The following GRID1 variants were observed in gnomAD, a reference collection of about 807,000 sequenced individuals.
GRID1 encodes the protein glutamate receptor ionotropic, delta-1.
A neutral mutation model predicts 98.0 loss-of-function variants in GRID1; 28 were observed. The observed-to-expected ratio is 0.29, with a 90% CI of 0.21 to 0.39. The LOEUF (loss-of-function observed/expected upper bound fraction) is 0.39, where lower values mean the gene tolerates loss of function less well. GRID1 is among the 10% of genes least tolerant of loss of function. The pLI is 1.00. For missense variants in GRID1, 1,111 were observed against 1,340.5 expected (o/e 0.83, Z 2.67); for synonymous variants, 553 against 538.5 (o/e 1.03, Z -0.37).
At chr10:85,848,983 G>C (rs1843032780) in intron 8 of GRID1, among the ~76,000 whole-genome samples, 1 of 152,164 alleles carries the variant, frequency 6.6e-6, no homozygotes, top group Non-Finnish European at 1.5e-5. Context: ...CAGCTTAATA[G>C]AGACACTGCA....
intron 4 of GRID1, among the ~76,000 whole-genome samples, chr10:86,106,865 G>A (rs1236638108): frequency 6.6e-6 from 1 of 152,150 alleles, no homozygotes; most frequent in Non-Finnish European, 1.5e-5. Context: ...AGAGAATGGA[G>A]CTGGGGAGGT....
Position 85,779,923 on chromosome 10 carries a change from A to T in GRID1, c.1234-50309T>A, listed in dbSNP as rs375858618. ...GACCTGGTTGGCTTTGCATGCTAGC[A>T]GAGTCTGTGGGATGTTGGAAAGATG... On this transcript the variant is annotated intron_variant, in intron 8 of 15. Transcript: ENST00000327946. 1.7e-3 allele frequency among the ~76,000 whole-genome samples: 259 copies of T among 152,314 alleles called. 2 individuals carry two copies. The highest frequency in any genetic ancestry group is 6.0e-3 in the African/African-American group (248 of 41,584).
At chr10:86,053,833 T>G (rs1313188072) in intron 4 of GRID1, among the ~76,000 whole-genome samples, 1 of 152,186 alleles carries the variant, frequency 6.6e-6, no homozygotes, top group Non-Finnish European at 1.5e-5. Context: ...TACACATGCA[T>G]GGGCACACAC....
chr10:86,232,926 T>C (rs1379030377), intron 2 of GRID1, among the ~76,000 whole-genome samples: 2 of 152,182 alleles, frequency 1.3e-5, no homozygotes, highest in Non-Finnish European at 2.9e-5. Flanking sequence ...AGCAGCCACA[T>C]TTATGTGGCT....
intron 12 of GRID1, among the ~76,000 whole-genome samples, chr10:85,654,276 A>G (rs1054077279): frequency 1.3e-5 from 2 of 152,214 alleles, no homozygotes; most frequent in Non-Finnish European, 2.9e-5. Flanking sequence ...GACACCCAAA[A>G]TAAACTGCTA....
chr10:85,819,600 C>T (rs962745720), intron 8 of GRID1, among the ~76,000 whole-genome samples: 3 of 152,062 alleles, frequency 2.0e-5, no homozygotes, highest in East Asian at 1.9e-4. Context: ...AAATTCATAA[C>T]CTCCGTCTAA....
At chr10:85,874,135 A>G (rs1843305521) in intron 5 of GRID1, among the ~76,000 whole-genome samples, 1 of 152,220 alleles carries the variant, frequency 6.6e-6, no homozygotes, top group Non-Finnish European at 1.5e-5. Flanking sequence ...TCTTTAGGAT[A>G]TATATCTAGA....
chr10:85,743,977 A>G (rs923854829), intron 8 of GRID1, among the ~76,000 whole-genome samples: 1 of 152,198 alleles, frequency 6.6e-6, no homozygotes, highest in Non-Finnish European at 1.5e-5. Context: ...GATAGAAGCC[A>G]AGATTTGTTG....
At chr10:86,308,843 C>A (rs990303077) in intron 2 of GRID1, among the ~76,000 whole-genome samples, 1 of 152,130 alleles carries the variant, frequency 6.6e-6, no homozygotes, top group Non-Finnish European at 1.5e-5. Flanking sequence ...ACTTCGGTAA[C>A]AACTCACTCT....
At chr10:85,945,671 G>A (rs929168744) in intron 4 of GRID1, among the ~76,000 whole-genome samples, 8 of 152,088 alleles carry the variant, frequency 5.3e-5, no homozygotes, top group African/African-American at 1.9e-4. Context: ...CCTACACATG[G>A]GCTAGAAAAT....
At chr10:86,316,558 G>A (rs753861003) in intron 2 of GRID1, among the ~76,000 whole-genome samples, 18 of 152,368 alleles carry the variant, frequency 1.2e-4, no homozygotes, top group Middle Eastern at 3.4e-3. Flanking sequence ...GAACAGCCCA[G>A]GCAAAGCCTC....
intron 2 of GRID1, among the ~76,000 whole-genome samples, chr10:86,259,402 T>C (rs1025153493): frequency 1.8e-4 from 28 of 152,250 alleles, no homozygotes; most frequent in Non-Finnish European, 8.8e-5. Context: ...TTTCCTCCCT[T>C]GTGTGCGTGT....
At chr10:85,667,223 T>G (rs557403958) in intron 12 of GRID1, among the ~76,000 whole-genome samples, 1 of 152,194 alleles carries the variant, frequency 6.6e-6, no homozygotes, top group African/African-American at 2.4e-5. Flanking sequence ...TCTGCTCTTC[T>G]TCCTGGGAAA....
chr10:86,210,507 C>T (rs189253157), intron 2 of GRID1, among the ~76,000 whole-genome samples: 1 of 152,348 alleles, frequency 6.6e-6, no homozygotes, highest in East Asian at 1.9e-4. Context: ...CAGATGTCAG[C>T]CTCCTGCCCC....
intron 8 of GRID1, among the ~76,000 whole-genome samples, chr10:85,790,016 C>T (rs1051166795): frequency 6.6e-6 from 1 of 152,162 alleles, no homozygotes; most frequent in Non-Finnish European, 1.5e-5. Flanking sequence ...CCTGACTCTG[C>T]CTCTGGCCTC....
At position 85,599,802 on chromosome 10, in the gene GRID1, A is replaced by AAAAAAAAAAAAAAAAAAAAAT; in HGVS notation, c.*2470_*2471insATTTTTTTTTTTTTTTTTTTT. 5 of 64,998 alleles carry AAAAAAAAAAAAAAAAAAAAAT rather than the reference A, an allele frequency of 7.7e-5. No individual in the cohort carries two copies. Among genetic ancestry groups the AAAAAAAAAAAAAAAAAAAAAT allele is most frequent in the African/African-American group, 2.8e-4 (3 of 10,728 alleles). The allele number at this position is 64,998 out of a possible 1,614,324, so 4.0% of individuals were successfully genotyped here. The stretch of plus-strand genomic sequence containing the variant: ...GTAGAAAATTCTAAAAAAAAAAAAA[A>AAAAAAAAAAAAAAAAAAAAAT]ATATATATATATATATATAAACATG... On this transcript the variant is annotated 3_prime_UTR_variant, in exon 16 of 16. Transcript: ENST00000327946.
chr10:86,187,259 T>A (rs1845737843), intron 3 of GRID1, among the ~76,000 whole-genome samples: 1 of 152,204 alleles, frequency 6.6e-6, no homozygotes. Context: ...ATATCAAGCA[T>A]CTGATAAGCA....
chr10:86,159,922 C>T (rs1845296788), intron 3 of GRID1, among the ~76,000 whole-genome samples: 1 of 152,148 alleles, frequency 6.6e-6, no homozygotes, highest in Non-Finnish European at 1.5e-5. Context: ...GCTGAACTAG[C>T]TCTATCACCA....
intron 2 of GRID1, among the ~76,000 whole-genome samples, chr10:86,239,709 C>G (rs1846597151): frequency 6.6e-6 from 1 of 152,212 alleles, no homozygotes; most frequent in Non-Finnish European, 1.5e-5. Context: ...TCTCCCTTCT[C>G]CAGCTATGTA....
Sources: allele counts gnomAD v4.1 joint callset (sites outside exome capture counted in the v4.1 genomes callset), GRCh38; gene constraint gnomAD v4.1.1; transcripts MANE v1.5; gene names NCBI Gene and HGNC (gene_info 2026-07-23, HGNC 2026-07-21).